AMPH: variants seen among roughly 807,000 people sequenced by gnomAD.
AMPH encodes amphiphysin (Stiff-Mann syndrome with breast cancer 128kD autoantigen).
In AMPH, 49 loss-of-function variants were observed where a neutral mutation model predicts 99.1. The ratio of observed to expected loss-of-function variants is 0.49; its 90% CI spans 0.39 to 0.63. The LOEUF is 0.63. Among genes scored for constraint, AMPH ranks in the 20% least tolerant of loss-of-function variants. AMPH has a pLI of 0.00. For synonymous variants in AMPH, 314 were observed against 317.3 expected (o/e 0.99, Z 0.11); for missense variants, 759 against 863.4 (o/e 0.88, Z 1.52).
Position 38,479,165 on chromosome 7 carries a change from T to A in AMPH, c.397-2196A>T, listed in dbSNP as rs1788196051. ...ACCAAACAATACACATCTAAATACA[T>A]CATAGTCAAACTACTTAACATCAAG... On this transcript the variant is annotated intron_variant, in intron 5 of 20. Coordinates refer to ENST00000356264, the MANE Select transcript of AMPH (RefSeq NM_001635.4). 2.6e-5 allele frequency among the ~76,000 whole-genome samples: 4 copies of A among 152,122 alleles called. No homozygotes were observed. The South Asian group carries it at 8.3e-4, about 31-fold the overall frequency.
intron 1 of AMPH, among the ~76,000 whole-genome samples, chr7:38,549,550 A>C (rs1791110021): frequency 6.6e-6 from 1 of 152,230 alleles, no homozygotes; most frequent in South Asian, 2.1e-4. Context: ...TGCCCTGCTA[A>C]AAAGGTAGTT....
rs1314722748 is a variant in AMPH, at chr7:38,473,531, C to T, written c.590+1800G>A. Among the ~76,000 whole-genome samples the T allele has an allele frequency of 3.6e-5, 3 of 82,360 alleles. 1 individual carries two copies. Among genetic ancestry groups the T allele is most frequent in the East Asian group, 1.1e-3 (2 of 1,888 alleles). The allele number at this position is 82,360 out of a possible 152,430, so 54.0% of individuals were successfully genotyped here. On this transcript the variant is annotated intron_variant, in intron 7 of 20. Transcript: ENST00000356264. ...CATCCTGGCTAACAAGGTGAAACCC[C>T]GTCTCTACTAAAAATACAAAAAATT...
chr7:38,428,232 G>C (rs1445434663), intron 14 of AMPH: 1 of 456,672 alleles, frequency 2.2e-6, no homozygotes, highest in Admixed American at 2.3e-5. Flanking sequence ...ATTATTCATT[G>C]CTGAATCCAA....
At chr7:38,450,122 G>C (rs561528716) in intron 11 of AMPH, among the ~76,000 whole-genome samples, 1 of 152,352 alleles carries the variant, frequency 6.6e-6, no homozygotes, top group East Asian at 1.9e-4. Context: ...GTCTGCATGG[G>C]AGCATGGTAG....
intron 11 of AMPH, among the ~76,000 whole-genome samples, chr7:38,449,233 G>C (rs1319170989): frequency 6.6e-6 from 1 of 152,190 alleles, no homozygotes; most frequent in African/African-American, 2.4e-5. Context: ...AGGATAGAAA[G>C]AGTGATATCG....
At chr7:38,604,238 A>T (rs1317517995) in intron 1 of AMPH, among the ~76,000 whole-genome samples, 1 of 152,264 alleles carries the variant, frequency 6.6e-6, no homozygotes, top group African/African-American at 2.4e-5. Flanking sequence ...GCACACACAG[A>T]AACAATGCAT....
chr7:38,483,415 C>T (rs531156973), intron 5 of AMPH, among the ~76,000 whole-genome samples: 2 of 152,236 alleles, frequency 1.3e-5, no homozygotes, highest in Non-Finnish European at 2.9e-5. Flanking sequence ...AACAAACAAA[C>T]AGTAAAAAAC....
chr7:38,513,365 G>T (rs1232247381), intron 2 of AMPH, among the ~76,000 whole-genome samples: 2 of 152,102 alleles, frequency 1.3e-5, no homozygotes, highest in African/African-American at 4.8e-5. Flanking sequence ...GATGATTTTT[G>T]CAGAAACGAA....
intron 18 of AMPH, among the ~76,000 whole-genome samples, chr7:38,392,263 A>G (rs761050392): frequency 6.7e-6 from 1 of 149,192 alleles, no homozygotes; most frequent in African/African-American, 2.5e-5. Flanking sequence ...GGTAAGCATG[A>G]GGTTTCGGTG....
intron 20 of AMPH, among the ~76,000 whole-genome samples, chr7:38,387,054 G>T (rs1784369225): frequency 6.6e-6 from 1 of 152,162 alleles, no homozygotes; most frequent in Non-Finnish European, 1.5e-5. Context: ...CCCAAGCTGT[G>T]CATGCATAAA....
chr7:38,493,735 T>C (rs534147292), intron 4 of AMPH, among the ~76,000 whole-genome samples: 9 of 152,276 alleles, frequency 5.9e-5, no homozygotes, highest in African/African-American at 1.9e-4. Context: ...GTGGAATGGA[T>C]GCTCTTCTGA....
At chr7:38,481,447 G>T (rs1201171773) in intron 5 of AMPH, among the ~76,000 whole-genome samples, 2 of 152,052 alleles carry the variant, frequency 1.3e-5, no homozygotes, top group South Asian at 4.1e-4. Context: ...ATCCCAAATT[G>T]GAATTCATTT....
chr7:38,404,022 G>A (rs867410857), intron 17 of AMPH, among the ~76,000 whole-genome samples: 11 of 152,272 alleles, frequency 7.2e-5, no homozygotes, highest in Non-Finnish European at 1.0e-4. Context: ...TGTCTGCTCT[G>A]GATTGGGGGA....
intron 17 of AMPH, among the ~76,000 whole-genome samples, chr7:38,397,989 C>T (rs1784719978): frequency 6.6e-6 from 1 of 151,538 alleles, no homozygotes; most frequent in Non-Finnish European, 1.5e-5. Flanking sequence ...CGGCTTTTAT[C>T]CAAAAGACAG....
chr7:38,575,311 C>G (rs1288683349), intron 1 of AMPH, among the ~76,000 whole-genome samples: 1 of 151,892 alleles, frequency 6.6e-6, no homozygotes, highest in Admixed American at 6.6e-5. Flanking sequence ...TATTAATTTT[C>G]AAAATGTTTA....
intron 2 of AMPH, among the ~76,000 whole-genome samples, chr7:38,523,649 T>C (rs1790057036): frequency 6.6e-6 from 1 of 152,064 alleles, no homozygotes; most frequent in Admixed American, 6.6e-5. Flanking sequence ...AAAGAAAAAT[T>C]TTTACCAGGA....
chr7:38,587,767 C>G (rs1426962073), intron 1 of AMPH, among the ~76,000 whole-genome samples: 1 of 152,088 alleles, frequency 6.6e-6, no homozygotes. Context: ...CAAAAGAAAA[C>G]TGTCATAATA....
intron 1 of AMPH, among the ~76,000 whole-genome samples, chr7:38,618,614 G>A (rs902708288): frequency 2.0e-5 from 3 of 151,942 alleles, no homozygotes; most frequent in Non-Finnish European, 1.5e-5. Context: ...ACAAAAGAGA[G>A]AAAATGGAGC....
At chr7:38,584,096 A>G (rs1792561426) in intron 1 of AMPH, among the ~76,000 whole-genome samples, 1 of 152,212 alleles carries the variant, frequency 6.6e-6, no homozygotes, top group African/African-American at 2.4e-5. Flanking sequence ...AAGGTCATTA[A>G]GAGCCCATTT....
Sources: gnomAD v4.1 joint callset for allele counts (sites outside exome capture counted in the v4.1 genomes callset) on GRCh38, gnomAD v4.1.1 for gene constraint, MANE v1.5 for transcripts, NCBI Gene and HGNC (gene_info 2026-07-23, HGNC 2026-07-21) for gene names.